SSR1: variants seen among roughly 807,000 people sequenced by gnomAD.
The protein encoded by SSR1 is signal sequence receptor subunit 1, also known as translocon-associated protein subunit alpha.
Under a neutral mutation model 36.1 loss-of-function variants are expected in SSR1, and 13 were observed. The ratio of observed to expected loss-of-function variants is 0.36; its 90% CI spans 0.23 to 0.57. The LOEUF (loss-of-function observed/expected upper bound fraction) is 0.57, where lower values mean the gene tolerates loss of function less well. Among genes scored for constraint, SSR1 ranks in the 20% least tolerant of loss-of-function variants. The pLI is 0.81. For synonymous variants in SSR1, 113 were observed against 118.9 expected (o/e 0.95, Z 0.32); for missense variants, 291 against 338.5 (o/e 0.86, Z 1.10).
At chr6:7,296,495 T>C (rs1757796857) in intron 6 of SSR1, among the ~76,000 whole-genome samples, 1 of 152,228 alleles carries the variant, frequency 6.6e-6, no homozygotes, top group Non-Finnish European at 1.5e-5. Context: ...AATTTTAATA[T>C]AGATTTGACT....
At chr6:7,294,939 T>C in intron 7 of SSR1, 2 of 584,674 alleles carry the variant, frequency 3.4e-6, no homozygotes, top group Non-Finnish European at 5.4e-6. Flanking sequence ...TTAGGTTTAT[T>C]CTTTCAAGTT....
At position 7,296,686 on chromosome 6, in the gene SSR1, A is replaced by C. The variant is rs1192626899; in HGVS notation, c.700-1201T>G. Among the ~76,000 whole-genome samples, 7 of 150,880 alleles carry C rather than the reference A, an allele frequency of 4.6e-5. No individual in the cohort carries two copies. In the South Asian group the frequency reaches 1.3e-3, roughly 27 times the overall value. ...GGAGGGTGAGTGAGGGAAGGAAAGG[A>C]GGAGGGTGAGTGAGGGAAGGAAAGG... is the stretch of plus-strand genomic sequence containing the variant. On this transcript the variant is annotated intron_variant, in intron 6 of 7. Transcript: ENST00000244763.
chr6:7,282,075 G>A lies in SSR1; in HGVS notation c.*7789C>T, dbSNP rs898955764. ...GAATTTGGGGGGTGGTGGTCAATGG[G>A]TTAAACGTACAAGTTGAGGCCGAGG... On this transcript the variant is annotated 3_prime_UTR_variant, in exon 8 of 8. Transcript: ENST00000244763. 2 of 152,404 alleles carry A rather than the reference G, an allele frequency of 1.3e-5. No homozygotes were observed. Among genetic ancestry groups the A allele is most frequent in the African/African-American group, 4.8e-5 (2 of 41,422 alleles). The allele number at this position is 152,404 out of a possible 1,614,324, so 9.4% of individuals were successfully genotyped here.
At chr6:7,308,527 T>C (rs1758119307) in intron 2 of SSR1, among the ~76,000 whole-genome samples, 1 of 152,238 alleles carries the variant, frequency 6.6e-6, no homozygotes, top group Admixed American at 6.5e-5. Flanking sequence ...GTAGGATGGA[T>C]TATAGTCGTT....
intron 1 of SSR1, among the ~76,000 whole-genome samples, chr6:7,311,421 T>C (rs1758192967): frequency 6.6e-6 from 1 of 152,222 alleles, no homozygotes; most frequent in Non-Finnish European, 1.5e-5. Flanking sequence ...TTAAGGACCA[T>C]GCATTTGCAG....
intron 4 of SSR1, among the ~76,000 whole-genome samples, chr6:7,299,040 C>T (rs1033106898): frequency 6.6e-6 from 1 of 152,122 alleles, no homozygotes; most frequent in Non-Finnish European, 1.5e-5. Context: ...GGTGAGATGG[C>T]GTATGCCTGT....
intron 2 of SSR1, among the ~76,000 whole-genome samples, chr6:7,307,516 C>T (rs1758096514): frequency 6.6e-6 from 1 of 152,142 alleles, no homozygotes; most frequent in Non-Finnish European, 1.5e-5. Flanking sequence ...TAACAGTTCC[C>T]TTCTCTACTC....
At chr6:7,295,587 TG>T in intron 6 of SSR1, 102 bp from the exon 7 acceptor site, 2 of 783,724 alleles carry the variant, frequency 2.6e-6, no homozygotes, top group South Asian at 4.2e-5. Context: ...CCAGGCTGCC[TG>T]GAACTCCTGG....
At chr6:7,300,122 G>A (rs915729160) in intron 4 of SSR1, among the ~76,000 whole-genome samples, 2 of 152,074 alleles carry the variant, frequency 1.3e-5, no homozygotes, top group Admixed American at 1.3e-4. Flanking sequence ...AGTAATAACT[G>A]TAAGTTATTA....
In SSR1 at chr6:7,287,798, T is replaced by A. The variant is rs1757588135; in HGVS notation, c.*2066A>T. ...AAATAGGCTACTTATTAAGTGTGCT[T>A]GAACAAACCATGTGTGGAATTGAAT... On this transcript the variant is annotated 3_prime_UTR_variant, in exon 8 of 8. Coordinates refer to ENST00000244763, the MANE Select transcript of SSR1 (RefSeq NM_003144.5). 6.6e-6 allele frequency: 1 copy of A among 152,664 alleles called. No homozygotes were observed. The highest frequency in any genetic ancestry group is 2.4e-5 in the African/African-American group (1 of 41,462). The allele number at this position is 152,664 out of a possible 1,614,324, so 9.5% of individuals were successfully genotyped here.
rs957322092 is a variant in SSR1, at chr6:7,285,017, G to A, written c.*4847C>T. 1.3e-5 allele frequency: 2 copies of A among 152,104 alleles called. No homozygotes were observed. The highest frequency in any genetic ancestry group is 2.9e-5 in the Non-Finnish European group (2 of 68,036). 9.4% of individuals were successfully genotyped at this position (152,104 alleles called of 1,614,324 possible). A position where few individuals can be genotyped will look rare whatever the true frequency, so the allele number is the denominator to read the frequency against. On this transcript the variant is annotated 3_prime_UTR_variant, in exon 8 of 8. Transcript: ENST00000244763. This position sits in a 1 kb window ranked among gnomAD's most constrained non-coding sequence, Gnocchi z 4.1. ...CTAGCGTATCACCAGGAATACTTAC[G>A]AACCATACTAACTCACATGGAAGAA...
chr6:7,303,452 C>T, intron 3 of SSR1, 98 bp downstream of exon 3: 1 of 773,402 alleles, frequency 1.3e-6, no homozygotes, highest in Non-Finnish European at 2.1e-6. Context: ...TAAATGCCAA[C>T]AATATTACTT....
intron 1 of SSR1, 36 bp downstream of exon 1, chr6:7,313,006 C>T (rs758620283): frequency 7.0e-6 from 11 of 1,567,590 alleles, no homozygotes; most frequent in Middle Eastern, 1.7e-4. Context: ...GCATCTCCTT[C>T]CTGGCCATCC....
intron 6 of SSR1, chr6:7,296,983 A>G: frequency 6.1e-6 from 1 of 162,714 alleles, no homozygotes. Flanking sequence ...CACTTTGGGA[A>G]ACCAACATGA....
At chr6:7,299,594 T>A (rs1466885461) in intron 4 of SSR1, among the ~76,000 whole-genome samples, 1 of 150,018 alleles carries the variant, frequency 6.7e-6, no homozygotes, top group Non-Finnish European at 1.5e-5. Context: ...GCTACTCAGG[T>A]GGCTGAGGCA....
intron 3 of SSR1, among the ~76,000 whole-genome samples, chr6:7,303,138 T>TAAA (rs35763826): frequency 0.027 from 1,139 of 42,906 alleles, 185 homozygotes; most frequent in African/African-American, 0.068. Flanking sequence ...GACTACATCT[T>TAAA]AAAAAAAAAA....
rs760946911 is a variant in SSR1, at chr6:7,309,932, ATCT to A, written c.174_176del (p.Glu58del). On this transcript the variant is annotated inframe_deletion, in exon 2 of 8. Transcript: ENST00000244763. The stretch of plus-strand genomic sequence containing the variant: ...TAACACTAACCAAATCTGTGGGTTC[ATCT>A]TCTTCTACCTCGGCTTCATCATCTT... The A allele has an allele frequency of 7.4e-6, 12 of 1,613,248 alleles. No individual in the cohort carries two copies. Among genetic ancestry groups the A allele is most frequent in the Admixed American group, 1.7e-5 (1 of 60,006 alleles).
At chr6:7,295,116 A>T (rs905970022) in intron 7 of SSR1, 7 of 1,520,312 alleles carry the variant, frequency 4.6e-6, no homozygotes, top group Non-Finnish European at 6.1e-6. Context: ...AAGCAACAGA[A>T]AGAAAAGAGA....
rs201556739 is a variant in SSR1 at position 7,289,842 on chromosome 6, G to C, written c.*22C>G. 1.9e-6 allele frequency: 3 copies of C among 1,567,264 alleles called. No individual in the cohort carries two copies. The South Asian group carries it at 3.7e-5, about 19-fold the overall frequency. ...TATTAGGGCAGGTTAAGTAAAGACCGAATTGTTGCACAAAGGAACATTTAC... is the reference window on the plus strand; with the variant it reads ...TATTAGGGCAGGTTAAGTAAAGACCCAATTGTTGCACAAAGGAACATTTAC... On this transcript the variant is annotated 3_prime_UTR_variant, in exon 8 of 8. Transcript: ENST00000244763.
Sources: gnomAD v4.1 joint callset for allele counts (sites outside exome capture counted in the v4.1 genomes callset) on GRCh38, gnomAD v4.1.1 for gene constraint, Gnocchi (gnomAD v3.1) non-coding constraint, MANE v1.5 for transcripts, NCBI Gene and HGNC (gene_info 2026-07-23, HGNC 2026-07-21) for gene names.